LPAR3: variants seen among roughly 807,000 people sequenced by gnomAD.
LPAR3 encodes lysophosphatidic acid receptor 3.
Under a neutral mutation model 17.8 loss-of-function variants are expected in LPAR3, and 7 were observed. The ratio of observed to expected loss-of-function variants is 0.39; its 90% CI spans 0.22 to 0.74. LPAR3 has a LOEUF of 0.74. LPAR3 is among the 30% of genes least tolerant of loss of function. The probability of loss-of-function intolerance (pLI) is 0.40; values close to 1 mark genes in which losing one functional copy is unlikely to be tolerated. For synonymous variants in LPAR3, 179 were observed against 179.9 expected (o/e 0.99, Z 0.04); for missense variants, 391 against 453.4 (o/e 0.86, Z 1.25).
chr1:84,859,149 T>C (rs1384109743), intron 2 of LPAR3, among the ~76,000 whole-genome samples: 1 of 152,146 alleles, frequency 6.6e-6, no homozygotes, highest in Admixed American at 6.5e-5. Context: ...GAACAGTGTA[T>C]TAAAACTGAA....
intron 1 of LPAR3, among the ~76,000 whole-genome samples, chr1:84,882,310 C>G (rs1260606263): frequency 2.0e-5 from 3 of 152,062 alleles, no homozygotes; most frequent in African/African-American, 7.2e-5. Flanking sequence ...ACACTGAAAA[C>G]TATAAAACAC....
At chr1:84,822,901 C>T (rs890159021) in intron 2 of LPAR3, among the ~76,000 whole-genome samples, 45 of 152,154 alleles carry the variant, frequency 3.0e-4, no homozygotes, top group African/African-American at 9.9e-4. Context: ...AAAACAATCA[C>T]GTAGAATACT....
At chr1:84,859,925 G>T (rs1296551634) in intron 2 of LPAR3, among the ~76,000 whole-genome samples, 1 of 152,230 alleles carries the variant, frequency 6.6e-6, no homozygotes, top group Non-Finnish European at 1.5e-5. Flanking sequence ...GGGGTTTCTT[G>T]TGTGTTTGGT....
intron 1 of LPAR3, among the ~76,000 whole-genome samples, chr1:84,871,767 T>C (rs1354584618): frequency 6.6e-6 from 1 of 152,192 alleles, no homozygotes; most frequent in Non-Finnish European, 1.5e-5. Context: ...TTAGCCATAG[T>C]TTCAAGGCCT....
Position 84,813,744 on chromosome 1 carries a change from A to G in LPAR3, c.*102T>C. 2.1e-6 allele frequency: 2 copies of G among 937,436 alleles called. No homozygotes were observed. The highest frequency in any genetic ancestry group is 3.2e-6 in the Non-Finnish European group (2 of 634,468). 58.1% of individuals were successfully genotyped at this position (937,436 alleles called of 1,614,324 possible). On this transcript the variant is annotated 3_prime_UTR_variant, in exon 3 of 3. Coordinates refer to ENST00000370611, the MANE Select transcript of LPAR3 (RefSeq NM_012152.3). ...AGAAATCTAGCAGTGATTAATGGAG[A>G]CCTCAAATAACACTGTACATGGGCT...
intron 1 of LPAR3, among the ~76,000 whole-genome samples, chr1:84,883,895 T>C (rs1436718101): frequency 6.6e-6 from 1 of 152,176 alleles, no homozygotes; most frequent in Non-Finnish European, 1.5e-5. Flanking sequence ...GTAAAAAGTT[T>C]CCTCTTCAAA....
At chr1:84,891,897 T>C (rs1357015078) in intron 1 of LPAR3, among the ~76,000 whole-genome samples, 1 of 152,056 alleles carries the variant, frequency 6.6e-6, no homozygotes, top group Non-Finnish European at 1.5e-5. Context: ...GGGGGAAACA[T>C]TTCGTGGAAA....
At chr1:84,872,453 TA>T (rs1557606262) in intron 1 of LPAR3, among the ~76,000 whole-genome samples, 1 of 152,120 alleles carries the variant, frequency 6.6e-6, no homozygotes, top group Non-Finnish European at 1.5e-5. Context: ...CTCTCTCTAT[TA>T]GTATGAACAC....
chr1:84,879,257 G>T (rs1217665838), intron 1 of LPAR3, among the ~76,000 whole-genome samples: 2 of 149,632 alleles, frequency 1.3e-5, no homozygotes, highest in Non-Finnish European at 3.0e-5. Context: ...TTAGCTTTAT[G>T]TTCTGTAGGA....
At chr1:84,858,511 A>C (rs1316770994) in intron 2 of LPAR3, among the ~76,000 whole-genome samples, 3 of 151,810 alleles carry the variant, frequency 2.0e-5, no homozygotes, top group Non-Finnish European at 4.4e-5. Context: ...AAAACCTAAA[A>C]AACACGATTC....
rs1321416478 is a variant in LPAR3 at position 84,814,119 on chromosome 1, G to C, written c.789C>G (p.Gly263=). 6.2e-7 allele frequency: 1 copy of C among 1,613,998 alleles called. No individual in the cohort carries two copies. The highest frequency in any genetic ancestry group is 8.5e-7 in the Non-Finnish European group (1 of 1,180,026). Residue 263 remains glycine (G), a synonymous_variant, in exon 3 of 3, where the codon GGC becomes GGG. Coordinates refer to ENST00000370611, the MANE Select transcript of LPAR3 (RefSeq NM_012152.3). ...GCACGCCACACTGCCTGCAGTTCAGGCCGTCGAGGAGCAGAACCACCAGGC... is the reference window on the plus strand; with the variant it reads ...GCACGCCACACTGCCTGCAGTTCAGCCCGTCGAGGAGCAGAACCACCAGGC... ...TPGLVVLLLD[G]LNCRQCGVQH...
intron 2 of LPAR3, among the ~76,000 whole-genome samples, chr1:84,853,619 A>G (rs1310782304): frequency 2.6e-5 from 4 of 152,036 alleles, no homozygotes; most frequent in Non-Finnish European, 5.9e-5. Context: ...TGGGCCTTCT[A>G]GCTGCTGCTG....
chr1:84,846,150 T>C (rs567608645), intron 2 of LPAR3, among the ~76,000 whole-genome samples: 81 of 152,330 alleles, frequency 5.3e-4, no homozygotes, highest in African/African-American at 1.8e-3. Context: ...GTAAGTTTAC[T>C]GATCATAAAA....
chr1:84,813,789 ATTC>A lies in LPAR3; in HGVS notation c.*54_*56del. 4 of 1,362,888 alleles carry A rather than the reference ATTC, an allele frequency of 2.9e-6. No homozygotes were observed. The highest frequency in any genetic ancestry group is 4.1e-6 in the Non-Finnish European group (4 of 972,838). The allele number at this position is 1,362,888 out of a possible 1,614,324, so 84.4% of individuals were successfully genotyped here. ...TGGGCTTTGTTAGAGACAGGTAATC[ATTC>A]TTAACAGCTCTTTTCCCAGAGGAGG... On this transcript the variant is annotated 3_prime_UTR_variant, in exon 3 of 3. Coordinates refer to ENST00000370611, the MANE Select transcript of LPAR3 (RefSeq NM_012152.3).
At position 84,813,893 on chromosome 1, in the gene LPAR3, C is replaced by G. The variant is rs572992407; in HGVS notation, c.1015G>C (p.Glu339Gln). 3 of 1,614,156 alleles carry G rather than the reference C, an allele frequency of 1.9e-6. No individual in the cohort carries two copies. The African/African-American group carries it at 4.0e-5, about 22-fold the overall frequency. Residue 339 changes from glutamate to glutamine, a missense_variant, in exon 3 of 3, where the codon GAG becomes CAG. Physicochemically the swap from Glu to Gln is conservative, Grantham distance 29. Coordinates refer to ENST00000370611, the MANE Select transcript of LPAR3 (RefSeq NM_012152.3). ...ACTGCACCTTGGCTAATACTATCCT[C>G]TATGTACTGGCTGCCTGTGTCACTC... ...SRSDTGSQYI[E>Q]DSISQGAVCN...
chr1:84,882,282 G>C (rs938937561), intron 1 of LPAR3, among the ~76,000 whole-genome samples: 2 of 152,172 alleles, frequency 1.3e-5, no homozygotes, highest in Non-Finnish European at 2.9e-5. Flanking sequence ...AACTTAATCA[G>C]AAAGGCAAAA....
In LPAR3 at chr1:84,813,158, T is replaced by TATATAGAGAGAGAGAG. The variant is rs1206774677; in HGVS notation, c.*687_*688insCTCTCTCTCTCTATAT. The TATATAGAGAGAGAGAG allele has an allele frequency of 2.7e-4, 27 of 101,690 alleles. No individual in the cohort carries two copies. The East Asian group carries it at 3.8e-3, about 14-fold the overall frequency. 6.3% of individuals were successfully genotyped at this position (101,690 alleles called of 1,614,324 possible). A position where few individuals can be genotyped will look rare whatever the true frequency, so the allele number is the denominator to read the frequency against. The stretch of plus-strand genomic sequence containing the variant: ...ATATATATATATATATATATATATA[T>TATATAGAGAGAGAGAG]AGACACACACACACACACACACACA... On this transcript the variant is annotated 3_prime_UTR_variant, in exon 3 of 3. Coordinates refer to ENST00000370611, the MANE Select transcript of LPAR3 (RefSeq NM_012152.3).
chr1:84,858,739 G>C (rs1256051662), intron 2 of LPAR3, among the ~76,000 whole-genome samples: 1 of 152,174 alleles, frequency 6.6e-6, no homozygotes, highest in East Asian at 1.9e-4. Flanking sequence ...CTAGCTGTTA[G>C]ATATGTAGAG....
At chr1:84,817,169 CTAAA>C (rs1037149763) in intron 2 of LPAR3, among the ~76,000 whole-genome samples, 5 of 151,884 alleles carry the variant, frequency 3.3e-5, no homozygotes, top group Non-Finnish European at 5.9e-5. Flanking sequence ...AGCATTGAGG[CTAAA>C]TACTCAAAAG....
Sources: gnomAD v4.1 joint callset for allele counts (sites outside exome capture counted in the v4.1 genomes callset) on GRCh38, gnomAD v4.1.1 for gene constraint, MANE v1.5 for transcripts, NCBI Gene and HGNC (gene_info 2026-07-23, HGNC 2026-07-21) for gene names.